Variants in PLXNA4 observed in about 807,000 individuals in gnomAD.
PLXNA4 encodes plexin A4, also known as plexin-A4.
PLXNA4 carries 44 observed loss-of-function variants against 191.8 expected under a neutral mutation model. That is an observed-to-expected ratio of 0.23 (90% confidence interval 0.18 to 0.29). The LOEUF is 0.29. PLXNA4 is among the 10% of genes least tolerant of loss of function. The pLI is 1.00. For synonymous variants in PLXNA4, 1,082 were observed against 1,009.5 expected, an observed-to-expected ratio of 1.07 and a Z score of -1.36; for missense variants, 1,800 against 2,488.8, an observed-to-expected ratio of 0.72 and a Z score of 5.89.
chr7:132,213,016 A>G (rs1205951522), intron 9 of PLXNA4, among the ~76,000 whole-genome samples: 1 of 152,254 alleles, frequency 6.6e-6, no homozygotes, highest in East Asian at 1.9e-4. Flanking sequence ...GTGTTCACTG[A>G]GGAATGAATG....
At chr7:132,397,390 T>C (rs1408064968) in intron 3 of PLXNA4, among the ~76,000 whole-genome samples, 5 of 152,112 alleles carry the variant, frequency 3.3e-5, no homozygotes, top group Non-Finnish European at 7.4e-5. Context: ...TTGATGATAG[T>C]GAACCAGCAG....
intron 25 of PLXNA4, among the ~76,000 whole-genome samples, chr7:132,152,651 G>A (rs866482059): frequency 2.0e-5 from 3 of 152,150 alleles, no homozygotes; most frequent in South Asian, 2.1e-4. Flanking sequence ...AGGCAATGTC[G>A]TAGCTCAGCC....
In PLXNA4 at chr7:132,123,604, T is replaced by G. The variant is rs957420101; in HGVS notation, c.*6875A>C. ...AAATCAAAACCAGAAGACCCTCTTC[T>G]TAGAGATCTCATCCACATACATTTG... On this transcript the variant is annotated 3_prime_UTR_variant, in exon 32 of 32. Transcript: ENST00000321063. 2.4e-4 allele frequency: 36 copies of G among 152,182 alleles called. No individual in the cohort carries two copies. The highest frequency in any genetic ancestry group is 8.2e-4 in the African/African-American group (34 of 41,442). The allele number at this position is 152,182 out of a possible 1,614,324, so 9.4% of individuals were successfully genotyped here.
intron 7 of PLXNA4, among the ~76,000 whole-genome samples, chr7:132,226,462 C>T (rs537183898): frequency 5.9e-5 from 9 of 152,330 alleles, no homozygotes; most frequent in Admixed American, 1.3e-4. Context: ...CCCTGCCCAC[C>T]GTATCACTTC....
intron 3 of PLXNA4, among the ~76,000 whole-genome samples, chr7:132,444,789 T>C (rs16874188): frequency 0.013 from 2,026 of 152,164 alleles, 49 homozygotes; most frequent in African/African-American, 0.045. Flanking sequence ...TCACCGTCAG[T>C]AGACCATGCA....
At chr7:132,571,047 G>A (rs1468031112) in intron 1 of PLXNA4, among the ~76,000 whole-genome samples, 2 of 151,774 alleles carry the variant, frequency 1.3e-5, no homozygotes, top group Admixed American at 6.6e-5. Context: ...ACAGTGTAGA[G>A]AAGTCAAAGA....
chr7:132,488,918 ACAGG>A (rs1472533715), intron 3 of PLXNA4, among the ~76,000 whole-genome samples: 1 of 152,250 alleles, frequency 6.6e-6, no homozygotes, highest in Admixed American at 6.5e-5. Context: ...AGCAAGGGGA[ACAGG>A]CATGTCCCTT....
intron 2 of PLXNA4, among the ~76,000 whole-genome samples, chr7:132,507,237 C>T (rs532629731): frequency 6.6e-5 from 10 of 152,264 alleles, no homozygotes; most frequent in Middle Eastern, 3.4e-3. Flanking sequence ...CAGCACTCCC[C>T]GTCATAACTA....
intron 2 of PLXNA4, among the ~76,000 whole-genome samples, chr7:132,626,756 A>T (rs898098615): frequency 6.6e-6 from 1 of 152,166 alleles, no homozygotes; most frequent in Non-Finnish European, 1.5e-5. Context: ...GACCTAACAC[A>T]TCTGTCAATC....
At chr7:132,156,374 G>C (rs1035846942) in intron 25 of PLXNA4, among the ~76,000 whole-genome samples, 1 of 152,122 alleles carries the variant, frequency 6.6e-6, no homozygotes, top group Non-Finnish European at 1.5e-5. Flanking sequence ...CAAAGCCAGG[G>C]GCCACAGTGA....
chr7:132,186,726 C>T (rs1246894126), intron 15 of PLXNA4, among the ~76,000 whole-genome samples: 1 of 152,268 alleles, frequency 6.6e-6, no homozygotes, highest in East Asian at 1.9e-4. Flanking sequence ...TCCAAGCTAC[C>T]CTTGTTCATT....
intron 3 of PLXNA4, among the ~76,000 whole-genome samples, chr7:132,381,845 G>T (rs1186790283): frequency 6.6e-6 from 1 of 152,210 alleles, no homozygotes; most frequent in African/African-American, 2.4e-5. Context: ...GGCTTGGTGG[G>T]CATCCCCTGC....
At chr7:132,245,851 A>G (rs1202518069) in intron 4 of PLXNA4, among the ~76,000 whole-genome samples, 1 of 152,270 alleles carries the variant, frequency 6.6e-6, no homozygotes, top group African/African-American at 2.4e-5. Context: ...CAAATACTGC[A>G]TGATTCTGCT....
intron 1 of PLXNA4, among the ~76,000 whole-genome samples, chr7:132,566,550 T>A (rs1388860950): frequency 6.6e-6 from 1 of 152,172 alleles, no homozygotes; most frequent in Non-Finnish European, 1.5e-5. Flanking sequence ...GCTTCCTTTG[T>A]TAATTTGATA....
intron 2 of PLXNA4, among the ~76,000 whole-genome samples, chr7:132,586,177 G>A (rs1479065675): frequency 6.6e-6 from 1 of 152,124 alleles, no homozygotes; most frequent in Non-Finnish European, 1.5e-5. Context: ...TTTTCTTAGG[G>A]TATATGTCAG....
chr7:132,211,282 C>A lies in PLXNA4; in HGVS notation c.2098-139G>T, dbSNP rs149391247. The A allele has an allele frequency of 6.1e-4, 509 of 835,756 alleles. 6 individuals carry two copies. The African/African-American group carries it at 7.1e-3, about 12-fold the overall frequency. 51.8% of individuals were successfully genotyped at this position (835,756 alleles called of 1,614,324 possible). A position where few individuals can be genotyped will look rare whatever the true frequency, so the allele number is the denominator to read the frequency against. ...AGGCGACCCCTGAGGTGCTCGTGCC[C>A]ACCCAGTGGGCAATGCACTGAGGAC... On this transcript the variant is annotated intron_variant, in intron 9 of 31. Coordinates refer to ENST00000321063, the MANE Select transcript of PLXNA4 (RefSeq NM_020911.2).
chr7:132,289,815 G>A (rs758329710), intron 4 of PLXNA4, among the ~76,000 whole-genome samples: 28 of 151,500 alleles, frequency 1.8e-4, no homozygotes, highest in South Asian at 4.2e-4. Flanking sequence ...TTATAGGTAT[G>A]AGCCACAGTG....
At chr7:132,361,112 G>A (rs928123776) in intron 3 of PLXNA4, among the ~76,000 whole-genome samples, 1 of 152,158 alleles carries the variant, frequency 6.6e-6, no homozygotes, top group African/African-American at 2.4e-5. Flanking sequence ...GAGCGCTAGG[G>A]GGTGGGTTGC....
rs887011762 is a variant in PLXNA4, at chr7:132,219,514, G to A, written c.2097+4013C>T. ...CTCTCACAATGCCTTGAGTATGGTT[G>A]AAATGCTTAGGGTAATGAAGAATGA... On this transcript the variant is annotated intron_variant, in intron 9 of 31. Transcript: ENST00000321063. Among the ~76,000 whole-genome samples, 4 of 152,178 alleles carry A rather than the reference G, an allele frequency of 2.6e-5. No individual in the cohort carries two copies. In the South Asian group the frequency reaches 8.3e-4, roughly 32 times the overall value.
Sources: allele counts gnomAD v4.1 joint callset (sites outside exome capture counted in the v4.1 genomes callset), GRCh38; gene constraint gnomAD v4.1.1; transcripts MANE v1.5; gene names NCBI Gene and HGNC (gene_info 2026-07-23, HGNC 2026-07-21).